Variants in TMEM50A observed in about 807,000 individuals in gnomAD.
TMEM50A encodes the protein transmembrane protein 50A.
In TMEM50A, 8 loss-of-function variants were observed where a neutral mutation model predicts 23.9. The ratio of observed to expected loss-of-function variants is 0.33; its 90% confidence interval spans 0.20 to 0.60. The LOEUF (loss-of-function observed/expected upper bound fraction) is 0.60, where lower values mean the gene tolerates loss of function less well. Among genes scored for constraint, TMEM50A ranks in the 20% least tolerant of loss-of-function variants. The pLI is 0.81. For missense variants in TMEM50A, 178 were observed against 192.7 expected, an observed-to-expected ratio of 0.92 and a Z score of 0.45; for synonymous variants, 55 against 60.4, an observed-to-expected ratio of 0.91 and a Z score of 0.41.
intron 4 of TMEM50A, among the ~76,000 whole-genome samples, chr1:25,352,300 C>T (rs1018678764): frequency 1.3e-5 from 2 of 152,004 alleles, no homozygotes; most frequent in Non-Finnish European, 2.9e-5. Flanking sequence ...TCGAGATCAT[C>T]CTGGCTAACA....
At chr1:25,351,765 C>T in intron 4 of TMEM50A, 72 bp downstream of exon 4, 2 of 1,293,908 alleles carry the variant, frequency 1.5e-6, no homozygotes, top group South Asian at 1.3e-5. Flanking sequence ...ATGGAAATAC[C>T]ACTTTTCTAT....
At chr1:25,360,011 T>C (rs114316854) in intron 6 of TMEM50A, among the ~76,000 whole-genome samples, 79 of 152,288 alleles carry the variant, frequency 5.2e-4, no homozygotes, top group African/African-American at 1.8e-3. Context: ...GTATCTTATT[T>C]ATAGCCCTGG....
Position 25,342,767 on chromosome 1 carries a change from T to C in TMEM50A, c.94-194T>C, listed in dbSNP as rs1645179523. On this transcript the variant is annotated intron_variant, in intron 2 of 6. Transcript: ENST00000374358. ...TTGAAGTAGGCTTAGAGAAAAGTTA[T>C]GTTAATAAATATAAATTGCTCTCAG... 7 of 374,388 alleles carry C rather than the reference T, an allele frequency of 1.9e-5. No homozygotes were observed. In the Admixed American group the frequency reaches 2.2e-4, roughly 12 times the overall value. The allele number at this position is 374,388 out of a possible 1,614,324, so 23.2% of individuals were successfully genotyped here.
At chr1:25,351,431 C>T (rs1360800484) in intron 3 of TMEM50A, among the ~76,000 whole-genome samples, 195 bp from the exon 4 acceptor site, 1 of 151,892 alleles carries the variant, frequency 6.6e-6, no homozygotes, top group Non-Finnish European at 1.5e-5. Context: ...ATCACTTGAG[C>T]CTGGGATTTC....
At position 25,343,043 on chromosome 1, in the gene TMEM50A, G is replaced by C. The variant is rs1645181407; in HGVS notation, c.176G>C (p.Cys59Ser). The C allele has an allele frequency of 1.2e-6, 2 of 1,613,382 alleles. No homozygotes were observed. The highest frequency in any genetic ancestry group is 8.5e-7 in the Non-Finnish European group (1 of 1,179,776). Residue 59 changes from cysteine (C) to serine (S), a missense_variant, in exon 3 of 7, where the codon TGT becomes TCT. Physicochemically the swap from Cys to Ser is moderately radical, Grantham distance 112. Transcript: ENST00000374358. ...GATTTCAACCACTCATACCATGCCTGTGGTGTTATAGCAACCATAGCCTTC... is the reference window on the plus strand; with the variant it reads ...GATTTCAACCACTCATACCATGCCTCTGGTGTTATAGCAACCATAGCCTTC... Reference protein sequence around the residue: ...MKDFNHSYHACGVIATIAFLM... With the variant: ...MKDFNHSYHASGVIATIAFLM...
intron 5 of TMEM50A, among the ~76,000 whole-genome samples, chr1:25,356,565 C>T (rs992213310): frequency 3.3e-5 from 5 of 152,124 alleles, no homozygotes; most frequent in African/African-American, 1.2e-4. Flanking sequence ...TTAAATAGGG[C>T]CAGCATACAG....
At chr1:25,345,588 A>AATTT (rs1426340545) in intron 3 of TMEM50A, among the ~76,000 whole-genome samples, 1 of 137,086 alleles carries the variant, frequency 7.3e-6, no homozygotes, top group South Asian at 2.4e-4. Context: ...TCAAAAACTA[A>AATTT]AAAATAAATT....
chr1:25,357,714 T>G (rs983126152), intron 6 of TMEM50A, among the ~76,000 whole-genome samples: 1 of 151,976 alleles, frequency 6.6e-6, no homozygotes, highest in Non-Finnish European at 1.5e-5. Context: ...CTCAGCTCAC[T>G]GCAACCTCCG....
Position 25,362,337 on chromosome 1 carries a change from C to T in TMEM50A, c.*1632C>T. ...AATGAAACTAAACATTTATTTTAAACTTATTAAATTGACTCTTAAACTAAG... is the reference window on the plus strand; with the variant it reads ...AATGAAACTAAACATTTATTTTAAATTTATTAAATTGACTCTTAAACTAAG... On this transcript the variant is annotated 3_prime_UTR_variant, in exon 7 of 7. Transcript: ENST00000374358. 7.8e-7 allele frequency: 1 copy of T among 1,287,322 alleles called. No individual in the cohort carries two copies. The highest frequency in any genetic ancestry group is 1.1e-6 in the Non-Finnish European group (1 of 926,052). The allele number at this position is 1,287,322 out of a possible 1,614,324, so 79.7% of individuals were successfully genotyped here. A position where few individuals can be genotyped will look rare whatever the true frequency, so the allele number is the denominator to read the frequency against.
chr1:25,356,443 C>T (rs1047661279), intron 5 of TMEM50A, among the ~76,000 whole-genome samples: 4 of 152,318 alleles, frequency 2.6e-5, no homozygotes, highest in South Asian at 2.1e-4. Context: ...TGTCACACTA[C>T]ACTTCTCCAC....
chr1:25,356,034 TG>T (rs1340706276), intron 5 of TMEM50A, among the ~76,000 whole-genome samples: 1 of 152,232 alleles, frequency 6.6e-6, no homozygotes, highest in African/African-American at 2.4e-5. Context: ...GCTACCACCC[TG>T]GTTCAATCCA....
intron 4 of TMEM50A, among the ~76,000 whole-genome samples, chr1:25,352,495 CAAA>C (rs766371248): frequency 5.1e-5 from 3 of 58,952 alleles, no homozygotes; most frequent in Admixed American, 1.9e-4. Flanking sequence ...GACTCTGCCT[CAAA>C]AAAAAAAAAA....
Position 25,356,808 on chromosome 1 carries a change from A to T in TMEM50A, c.383A>T (p.Tyr128Phe). 1 of 1,592,250 alleles carries T rather than the reference A, an allele frequency of 6.3e-7. No homozygotes were observed. Among genetic ancestry groups the T allele is most frequent in the Non-Finnish European group, 8.5e-7 (1 of 1,172,886 alleles). ...ATTTTTACAGAAAAAGACATAGTAT[A>T]CCCTGGAATTGCTGTATTTTTCCAG... ...GYVAKEKDIV[Y>F]PGIAVFFQNA... Residue 128 changes from tyrosine to phenylalanine, a missense_variant, in exon 6 of 7, where the codon TAC (tyrosine) becomes TTC (phenylalanine). Coordinates refer to ENST00000374358, the MANE Select transcript of TMEM50A (RefSeq NM_014313.4).
At chr1:25,346,378 C>T (rs1031267737) in intron 3 of TMEM50A, among the ~76,000 whole-genome samples, 1 of 151,740 alleles carries the variant, frequency 6.6e-6, no homozygotes, top group Admixed American at 6.6e-5. Context: ...ACAAAAGAAT[C>T]AGGTTTTCCT....
rs1361370639 is a variant in TMEM50A, at chr1:25,352,871, T to C, written c.275-11T>C. On this transcript the variant is annotated splice_polypyrimidine_tract_variant and intron_variant, in intron 4 of 6. Transcript: ENST00000374358. ...AAGAAAGAATTCTGGTAAAATATTA[T>C]TTCTTTGAAGGTGCTCGCATTTGGC... is the stretch of plus-strand genomic sequence containing the variant. The C allele has an allele frequency of 6.2e-7, 1 of 1,610,894 alleles. No homozygotes were observed. The highest frequency in any genetic ancestry group is 1.1e-5 in the South Asian group (1 of 90,062).
In TMEM50A at chr1:25,360,811, T is replaced by G. The variant is rs140746704; in HGVS notation, c.*106T>G. The G allele has an allele frequency of 1.2e-5, 15 of 1,263,238 alleles. No individual in the cohort carries two copies. In the East Asian group the frequency reaches 2.1e-4, roughly 18 times the overall value. 78.3% of individuals were successfully genotyped at this position (1,263,238 alleles called of 1,614,324 possible). On this transcript the variant is annotated 3_prime_UTR_variant, in exon 7 of 7. Transcript: ENST00000374358. ...GCCATTTTCTAAACTTATTTCTGAG[T>G]GTAGTCTCAGCTTAAAGTTGTGTAA...
At chr1:25,341,094 A>G (rs1006646940) in intron 2 of TMEM50A, among the ~76,000 whole-genome samples, 1 of 152,232 alleles carries the variant, frequency 6.6e-6, no homozygotes, top group African/African-American at 2.4e-5. Flanking sequence ...CATTGTGTGG[A>G]AGTAATTTAC....
intron 3 of TMEM50A, among the ~76,000 whole-genome samples, chr1:25,344,702 TTTTTTTG>T (rs958750587): frequency 1.1e-4 from 17 of 152,050 alleles, no homozygotes; most frequent in Middle Eastern, 3.4e-3. Flanking sequence ...TCTGATTGTT[TTTTTTTG>T]TTTTTTGTTT....
At chr1:25,350,912 A>G (rs1259840002) in intron 3 of TMEM50A, among the ~76,000 whole-genome samples, 4 of 151,910 alleles carry the variant, frequency 2.6e-5, no homozygotes, top group Non-Finnish European at 1.5e-5. Flanking sequence ...CTGTAATCCC[A>G]GCACTTTGGG....
Sources: gnomAD v4.1 joint callset for allele counts (sites outside exome capture counted in the v4.1 genomes callset) on GRCh38, gnomAD v4.1.1 for gene constraint, MANE v1.5 for transcripts, NCBI Gene and HGNC (gene_info 2026-07-23, HGNC 2026-07-21) for gene names.